The following FARS2 variants were observed in gnomAD, a reference collection of about 807,000 sequenced individuals.
FARS2 encodes phenylalanine--tRNA ligase, mitochondrial.
FARS2 carries 40 observed loss-of-function variants against 46.4 expected under a neutral mutation model. The ratio of observed to expected loss-of-function variants is 0.86; its 90% CI spans 0.67 to 1.12. The LOEUF (loss-of-function observed/expected upper bound fraction) is 1.12, where lower values mean the gene tolerates loss of function less well. Ranked by LOEUF, FARS2 falls within the 50% of genes most tolerant of loss-of-function variation. The pLI, the probability that FARS2 is intolerant of heterozygous loss-of-function variation, is 0.00. For synonymous variants in FARS2, 234 were observed against 214.9 expected (o/e 1.09, Z -0.78); for missense variants, 513 against 567.9 (o/e 0.90, Z 0.98).
At chr6:5,267,781 GTCT>G (rs2127814584) in intron 1 of FARS2, among the ~76,000 whole-genome samples, 1 of 150,018 alleles carries the variant, frequency 6.7e-6, no homozygotes, top group African/African-American at 2.5e-5. Flanking sequence ...TCGCCACACT[GTCT>G]TCCACAATGG....
intron 2 of FARS2, among the ~76,000 whole-genome samples, chr6:5,381,757 T>A (rs1026802557): frequency 6.6e-6 from 1 of 152,290 alleles, no homozygotes; most frequent in South Asian, 2.1e-4. Flanking sequence ...CTGCCTAACT[T>A]GGGTATGACC....
chr6:5,627,197 G>A (rs1021085988), intron 6 of FARS2, among the ~76,000 whole-genome samples: 4 of 152,150 alleles, frequency 2.6e-5, no homozygotes, highest in Non-Finnish European at 5.9e-5. Context: ...CTGAAATGCC[G>A]TTGTGCAGTG....
chr6:5,279,387 AG>A (rs374601298), intron 1 of FARS2, among the ~76,000 whole-genome samples: 11,848 of 131,856 alleles, frequency 0.09, 961 homozygotes, highest in African/African-American at 0.14. Flanking sequence ...AAAAAAAAAA[AG>A]AAAAAGAAAA....
At chr6:5,406,965 A>T (rs966526667) in intron 3 of FARS2, among the ~76,000 whole-genome samples, 5 of 149,632 alleles carry the variant, frequency 3.3e-5, no homozygotes, top group African/African-American at 1.2e-4. Context: ...CACATTTGGC[A>T]TTTATAAAGG....
At chr6:5,761,474 T>G (rs539303706) in intron 6 of FARS2, among the ~76,000 whole-genome samples, 1 of 152,296 alleles carries the variant, frequency 6.6e-6, no homozygotes, top group African/African-American at 2.4e-5. Flanking sequence ...ATTGCTTGAG[T>G]TGGAAACGTA....
chr6:5,554,356 T>C (rs1372160961), intron 5 of FARS2, among the ~76,000 whole-genome samples: 1 of 152,174 alleles, frequency 6.6e-6, no homozygotes, highest in African/African-American at 2.4e-5. Flanking sequence ...TTTGGAAGCA[T>C]CAGCAGGAGG....
chr6:5,546,983 G>T (rs1471556855), intron 5 of FARS2, among the ~76,000 whole-genome samples: 1 of 150,224 alleles, frequency 6.7e-6, no homozygotes, highest in African/African-American at 2.5e-5. Context: ...ACGGAGACTT[G>T]CTCTGTTCCC....
chr6:5,553,695 A>G (rs1282304822), intron 5 of FARS2, among the ~76,000 whole-genome samples: 1 of 152,166 alleles, frequency 6.6e-6, no homozygotes. Flanking sequence ...TTTGTAGGCT[A>G]CAAGTATTAA....
chr6:5,355,551 G>T, intron 1 of FARS2, among the ~76,000 whole-genome samples: 1 of 151,774 alleles, frequency 6.6e-6, no homozygotes, highest in Non-Finnish European at 1.5e-5. Context: ...TAGAGATGGG[G>T]TTTCACCATG....
chr6:5,404,434 C>G (rs1355824236), intron 2 of FARS2, 108 bp from the exon 3 acceptor site: 9 of 651,264 alleles, frequency 1.4e-5, no homozygotes, highest in East Asian at 2.8e-5. Flanking sequence ...GTCTTATTCC[C>G]ACATTATAAC....
intron 6 of FARS2, among the ~76,000 whole-genome samples, chr6:5,631,177 A>G (rs1482404645): frequency 6.6e-6 from 1 of 152,234 alleles, no homozygotes; most frequent in Non-Finnish European, 1.5e-5. Context: ...CTGGGAAAAC[A>G]GATAAGAGTT....
intron 2 of FARS2, among the ~76,000 whole-genome samples, chr6:5,372,727 T>G (rs1759135494): frequency 6.6e-6 from 1 of 152,130 alleles, no homozygotes; most frequent in Non-Finnish European, 1.5e-5. Flanking sequence ...CCATAGTCAC[T>G]TCATTATGGA....
chr6:5,554,320 G>A (rs369662248), intron 5 of FARS2, among the ~76,000 whole-genome samples: 2 of 152,300 alleles, frequency 1.3e-5, no homozygotes, highest in East Asian at 1.9e-4. Flanking sequence ...AGCTAAAGAC[G>A]AGGAAAGAAG....
chr6:5,532,774 T>G (rs1439499358), intron 4 of FARS2, among the ~76,000 whole-genome samples: 18 of 141,482 alleles, frequency 1.3e-4, no homozygotes, highest in African/African-American at 4.8e-4. Context: ...GTAATAATAA[T>G]AATAATAATA....
intron 5 of FARS2, among the ~76,000 whole-genome samples, chr6:5,564,667 T>C (rs944748673): frequency 1.3e-5 from 2 of 152,230 alleles, no homozygotes; most frequent in Admixed American, 1.3e-4. Context: ...AGAATGGTTA[T>C]TTTTACATAG....
chr6:5,717,351 A>ATGTGTGTGTGTG (rs58875741), intron 6 of FARS2, among the ~76,000 whole-genome samples: 3,461 of 141,676 alleles, frequency 0.024, 44 homozygotes, highest in Non-Finnish European at 0.032. Context: ...AGATATGTAT[A>ATGTGTGTGTGTG]TGTGTGTGTG....
At position 5,358,235 on chromosome 6, in the gene FARS2, A is replaced by G. The variant is rs114730099; in HGVS notation, c.-21-10315A>G. On this transcript the variant is annotated intron_variant, in intron 1 of 6. Transcript: ENST00000274680. ...TTGCCATAACTATTCTGCTTGCTAA[A>G]TTGTTTGTGGGGGAAAACTTGATTC... 1.5e-3 allele frequency among the ~76,000 whole-genome samples: 227 copies of G among 152,224 alleles called. 1 individual carries two copies. Among genetic ancestry groups the G allele is most frequent in the Non-Finnish European group, 2.2e-3 (150 of 68,010 alleles).
chr6:5,277,555 A>C (rs1431871194), intron 1 of FARS2, among the ~76,000 whole-genome samples: 1 of 152,208 alleles, frequency 6.6e-6, no homozygotes, highest in Non-Finnish European at 1.5e-5. Flanking sequence ...CACCTTCTGA[A>C]TACTCGATAC....
intron 6 of FARS2, among the ~76,000 whole-genome samples, chr6:5,633,307 G>C (rs904017110): frequency 1.7e-5 from 2 of 115,762 alleles, no homozygotes; most frequent in Non-Finnish European, 3.2e-5. Flanking sequence ...ACAGAGTCTC[G>C]CTCTGTTGCC....
Sources: gnomAD v4.1 joint callset for allele counts (sites outside exome capture counted in the v4.1 genomes callset) on GRCh38, gnomAD v4.1.1 for gene constraint, MANE v1.5 for transcripts, NCBI Gene and HGNC (gene_info 2026-07-23, HGNC 2026-07-21) for gene names.